Variants in LOXHD1 observed in about 807,000 individuals in gnomAD.
LOXHD1 encodes the protein lipoxygenase homology PLAT domains 1, also known as lipoxygenase homology domain-containing protein 1.
A neutral mutation model predicts 248.2 loss-of-function variants in LOXHD1; 205 were observed. The ratio of observed to expected loss-of-function variants is 0.83; its 90% CI spans 0.74 to 0.93. LOXHD1 has a LOEUF of 0.93. LOXHD1 is among the 40% of genes least tolerant of loss of function. The pLI, the probability that LOXHD1 is intolerant of heterozygous loss-of-function variation, is 0.00. For synonymous variants in LOXHD1, 1,113 were observed against 1,162.8 expected (o/e 0.96, Z 0.87); for missense variants, 2,930 against 2,971.6 (o/e 0.99, Z 0.33).
At chr18:46,600,202 T>C (rs1209560428) in intron 8 of LOXHD1, among the ~76,000 whole-genome samples, 4 of 152,168 alleles carry the variant, frequency 2.6e-5, no homozygotes, top group African/African-American at 9.7e-5. Context: ...ACAAATAAAT[T>C]GTAACTCATT....
At position 46,521,131 on chromosome 18, in the gene LOXHD1, A is replaced by G. The variant is rs372241056; in HGVS notation, c.5237T>C (p.Leu1746Pro). ...GDGITSRVFD[L>P]LDAMVVNIGV... ...AATGTTCACCACCATGGCATCCAAGAGGTCGAAGACACGGGAGGTGATGCC... is the reference window on the plus strand; with the variant it reads ...AATGTTCACCACCATGGCATCCAAGGGGTCGAAGACACGGGAGGTGATGCC... Residue 1746 changes from leucine to proline, a missense_variant, in exon 33 of 41, where the codon CTC (leucine) becomes CCC (proline). Physicochemically the swap from Leu to Pro is moderately conservative, Grantham distance 98. Coordinates refer to ENST00000642948, the MANE Select transcript of LOXHD1 (RefSeq NM_001384474.1). 5.8e-4 allele frequency: 904 copies of G among 1,551,606 alleles called. 2 individuals carry two copies. The highest frequency in any genetic ancestry group is 9.6e-4 in the Admixed American group (49 of 50,990).
At chr18:46,537,760 A>T (rs1044627985) in intron 26 of LOXHD1, among the ~76,000 whole-genome samples, 17 of 152,268 alleles carry the variant, frequency 1.1e-4, no homozygotes, top group African/African-American at 4.1e-4. Flanking sequence ...CTAGCCCATG[A>T]CCACTGGTGG....
chr18:46,594,610 A>C, intron 8 of LOXHD1, 144 bp from the exon 9 acceptor site: 4 of 989,572 alleles, frequency 4.0e-6, no homozygotes, highest in African/African-American at 1.6e-5. Flanking sequence ...TGCCTATCTC[A>C]TTAAATCTTA....
chr18:46,569,678 G>T, intron 15 of LOXHD1, 40 bp from the exon 16 acceptor site: 1 of 1,497,076 alleles, frequency 6.7e-7, no homozygotes, highest in Non-Finnish European at 9.1e-7. Context: ...GAAGGGGTTA[G>T]TGCAGGGGGT....
At chr18:46,611,780 A>T (rs1452740895) in intron 5 of LOXHD1, among the ~76,000 whole-genome samples, 7 of 152,168 alleles carry the variant, frequency 4.6e-5, no homozygotes, top group Non-Finnish European at 1.0e-4. Flanking sequence ...TAAGGATGTA[A>T]AACATGACAG....
At position 46,563,156 on chromosome 18, in the gene LOXHD1, A is replaced by C; in HGVS notation, c.2507T>G (p.Met836Arg). ...CTTGCCTTTCTCTCCATAGATCTGC[A>C]TGTAGACTCGGGCACTGGTGCCTGC... The part of the protein sequence containing the change: ...GGAGTSARVY[M>R]QIYGEKGKTE... The change falls in exon 18 of 41, where the codon ATG (methionine) becomes AGG (arginine). Residue 836 changes from methionine to arginine, a missense_variant. Met to Arg is a moderately conservative substitution (Grantham distance 91). Coordinates refer to ENST00000642948, the MANE Select transcript of LOXHD1 (RefSeq NM_001384474.1). 1.3e-6 allele frequency: 2 copies of C among 1,539,862 alleles called. No homozygotes were observed. Among genetic ancestry groups the C allele is most frequent in the Non-Finnish European group, 1.8e-6 (2 of 1,136,960 alleles).
At chr18:46,486,766 C>T (rs1309073316) in intron 38 of LOXHD1, among the ~76,000 whole-genome samples, 2 of 152,046 alleles carry the variant, frequency 1.3e-5, no homozygotes, top group South Asian at 2.1e-4. Context: ...AGAGATGATG[C>T]GGGTGGGGTT....
chr18:46,641,882 G>T, intron 3 of LOXHD1, 74 bp downstream of exon 3: 1 of 1,416,338 alleles, frequency 7.1e-7, no homozygotes, highest in Non-Finnish European at 9.7e-7. Context: ...TTCATACCCA[G>T]AAATTGTCAA....
Position 46,477,393 on chromosome 18 carries a change from A to C in LOXHD1, c.*79T>G. 6.6e-7 allele frequency: 1 copy of C among 1,523,176 alleles called. No individual in the cohort carries two copies. Among genetic ancestry groups the C allele is most frequent in the Non-Finnish European group, 8.8e-7 (1 of 1,131,086 alleles). The allele number at this position is 1,523,176 out of a possible 1,614,324, so 94.4% of individuals were successfully genotyped here. A position where few individuals can be genotyped will look rare whatever the true frequency, so the allele number is the denominator to read the frequency against. On this transcript the variant is annotated 3_prime_UTR_variant, in exon 41 of 41. Coordinates refer to ENST00000642948, the MANE Select transcript of LOXHD1 (RefSeq NM_001384474.1). ...CCCAGTGCCAATGCTAGAGGCTTTG[A>C]AGGGCTGCTGACCGCCAAGGTGGAG...
intron 4 of LOXHD1, 141 bp downstream of exon 4, chr18:46,639,475 G>A: frequency 9.9e-7 from 1 of 1,005,134 alleles, no homozygotes; most frequent in Non-Finnish European, 1.4e-6. Context: ...CTTCCCCTTG[G>A]CCCTAACCAA....
At chr18:46,503,405 A>G (rs1240235158) in intron 37 of LOXHD1, among the ~76,000 whole-genome samples, 1 of 152,174 alleles carries the variant, frequency 6.6e-6, no homozygotes, top group African/African-American at 2.4e-5. Flanking sequence ...GTGGAGATAC[A>G]CAGAATGTGG....
At chr18:46,615,278 G>A (rs1214585133) in intron 5 of LOXHD1, among the ~76,000 whole-genome samples, 1 of 152,168 alleles carries the variant, frequency 6.6e-6, no homozygotes, top group Non-Finnish European at 1.5e-5. Context: ...CACAGCCCAA[G>A]GGCCAGTTTT....
intron 21 of LOXHD1, among the ~76,000 whole-genome samples, chr18:46,553,070 C>G (rs975147460): frequency 5.3e-5 from 8 of 152,236 alleles, no homozygotes; most frequent in Admixed American, 5.2e-4. Context: ...AGACAACCAC[C>G]ACTGTCACTG....
At chr18:46,649,112 G>T (rs2039073644) in intron 2 of LOXHD1, 43 bp downstream of exon 2, 6 of 1,489,992 alleles carry the variant, frequency 4.0e-6, no homozygotes, top group Non-Finnish European at 5.5e-6. Context: ...TAATCAACAG[G>T]ACTAATGGCC....
chr18:46,545,225 T>A (rs1019404247), intron 23 of LOXHD1, 92 bp downstream of exon 23: 2 of 884,858 alleles, frequency 2.3e-6, no homozygotes, highest in Admixed American at 4.1e-5. Flanking sequence ...GACAAAAGCA[T>A]AATTAGGATT....
chr18:46,596,279 A>G (rs2038255874), intron 8 of LOXHD1, among the ~76,000 whole-genome samples: 2 of 152,230 alleles, frequency 1.3e-5, no homozygotes, highest in South Asian at 4.1e-4. Context: ...TATGTTACAT[A>G]AACCACAGGA....
intron 6 of LOXHD1, among the ~76,000 whole-genome samples, chr18:46,608,058 A>AAGGAAGGAAAGAAGGAAGGG: frequency 1.4e-5 from 2 of 147,828 alleles, no homozygotes; most frequent in African/African-American, 4.9e-5. Flanking sequence ...GGAAGGAAGG[A>AAGGAAGGAAAGAAGGAAGGG]AGGAAGGAAG....
At chr18:46,544,117 C>T (rs2036690729) in intron 23 of LOXHD1, among the ~76,000 whole-genome samples, 1 of 152,200 alleles carries the variant, frequency 6.6e-6, no homozygotes, top group South Asian at 2.1e-4. Flanking sequence ...TCTGGGCCCA[C>T]CTCATGTAGA....
chr18:46,514,770 T>C (rs1184683700), intron 34 of LOXHD1, among the ~76,000 whole-genome samples: 5 of 152,208 alleles, frequency 3.3e-5, no homozygotes, highest in African/African-American at 9.7e-5. Context: ...AAATCCTTTT[T>C]GTGTCCAGTC....
Sources: allele counts gnomAD v4.1 joint callset (sites outside exome capture counted in the v4.1 genomes callset), GRCh38; gene constraint gnomAD v4.1.1; transcripts MANE v1.5; gene names NCBI Gene and HGNC (gene_info 2026-07-23, HGNC 2026-07-21).